The following SLC13A3 variants were observed in gnomAD, a reference collection of about 807,000 sequenced individuals.
SLC13A3 encodes the protein Na(+)/dicarboxylate cotransporter 3.
In SLC13A3, 40 loss-of-function variants were observed where a neutral mutation model predicts 59.0. The observed-to-expected ratio is 0.68, with a 90% CI of 0.53 to 0.88. The LOEUF (loss-of-function observed/expected upper bound fraction) is 0.88, where lower values mean the gene tolerates loss of function less well. Ranked by LOEUF, SLC13A3 falls within the 40% of genes least tolerant of loss-of-function variation. The pLI is 0.00. For synonymous variants in SLC13A3, 317 were observed against 330.3 expected (o/e 0.96, Z 0.44); for missense variants, 699 against 783.2 (o/e 0.89, Z 1.28).
At chr20:46,625,482 T>TA (rs1354583853) in intron 1 of SLC13A3, among the ~76,000 whole-genome samples, 1 of 152,212 alleles carries the variant, frequency 6.6e-6, no homozygotes, top group Non-Finnish European at 1.5e-5. Context: ...ACATGACTTT[T>TA]AAAAAATAGC....
intron 1 of SLC13A3, among the ~76,000 whole-genome samples, chr20:46,665,862 T>C (rs2063060372): frequency 6.6e-6 from 1 of 152,328 alleles, no homozygotes; most frequent in African/African-American, 2.4e-5. Flanking sequence ...CCACCAGCAG[T>C]GTATGCGGGT....
At chr20:46,625,146 A>G (rs1243176426) in intron 1 of SLC13A3, among the ~76,000 whole-genome samples, 1 of 152,232 alleles carries the variant, frequency 6.6e-6, no homozygotes, top group African/African-American at 2.4e-5. Flanking sequence ...ATAAGGAAGA[A>G]GAGATGAAAC....
intron 10 of SLC13A3, among the ~76,000 whole-genome samples, chr20:46,574,805 T>C (rs1600504570): frequency 6.6e-6 from 1 of 151,208 alleles, no homozygotes; most frequent in Non-Finnish European, 1.5e-5. Flanking sequence ...GAGGTTTAGA[T>C]GAGTTAACGT....
intron 5 of SLC13A3, 99 bp from the exon 6 acceptor site, chr20:46,592,628 G>A (rs1946351147): frequency 5.9e-6 from 7 of 1,184,380 alleles, no homozygotes; most frequent in South Asian, 2.7e-5. Context: ...CGGGGAGGAG[G>A]AATGAGAGGG....
chr20:46,652,195 G>A (rs2062956497), upstream of SLC13A3, among the ~76,000 whole-genome samples: 1 of 152,114 alleles, frequency 6.6e-6, no homozygotes, highest in Non-Finnish European at 1.5e-5. Flanking sequence ...CATGACACAA[G>A]TTTACCTATA....
intron 11 of SLC13A3, among the ~76,000 whole-genome samples, chr20:46,564,367 TA>T (rs1422351151): frequency 1.3e-5 from 2 of 152,262 alleles, no homozygotes; most frequent in Non-Finnish European, 2.9e-5. Context: ...TTAAATAGGA[TA>T]TTTTTGGGCC....
chr20:46,655,940 G>GTA (rs771045667), upstream of SLC13A3, among the ~76,000 whole-genome samples: 15 of 138,664 alleles, frequency 1.1e-4, no homozygotes, highest in East Asian at 1.2e-3. Context: ...ATATACTACA[G>GTA]TATATATATA....
chr20:46,624,338 A>T (rs2062646223), intron 1 of SLC13A3, among the ~76,000 whole-genome samples: 1 of 152,248 alleles, frequency 6.6e-6, no homozygotes, highest in Admixed American at 6.5e-5. Context: ...GACACTGCCC[A>T]AACAACTGTA....
chr20:46,674,602 C>CGTGTGTGTGTGT (rs142752461), upstream of SLC13A3, among the ~76,000 whole-genome samples: 1,478 of 114,236 alleles, frequency 0.013, 18 homozygotes, highest in Non-Finnish European at 0.02. Flanking sequence ...CGCGCGCGCG[C>CGTGTGTGTGTGT]GCGTGTGTGT....
At chr20:46,665,163 G>A (rs190072248) in intron 1 of SLC13A3, among the ~76,000 whole-genome samples, 1 of 152,100 alleles carries the variant, frequency 6.6e-6, no homozygotes, top group Non-Finnish European at 1.5e-5. Context: ...CTACTTGGTA[G>A]GCTAAGACAG....
At chr20:46,599,455 C>T (rs530482478) in intron 4 of SLC13A3, among the ~76,000 whole-genome samples, 23 of 152,218 alleles carry the variant, frequency 1.5e-4, no homozygotes, top group Non-Finnish European at 2.5e-4. Flanking sequence ...AGCCAGAGTT[C>T]GAAGTCAGGT....
rs146061364 is a variant in SLC13A3, at chr20:46,579,564, G to A, written c.1220-3879C>T. ...ATCACATCAGCCAAGTCTGCACAGGGTCACTGGTGGCCAAAGGACAGGCAG... is the reference window on the plus strand; with the variant it reads ...ATCACATCAGCCAAGTCTGCACAGGATCACTGGTGGCCAAAGGACAGGCAG... On this transcript the variant is annotated intron_variant, in intron 9 of 12. Coordinates refer to ENST00000279027, the MANE Select transcript of SLC13A3 (RefSeq NM_022829.6). 9.8e-4 allele frequency among the ~76,000 whole-genome samples: 149 copies of A among 152,306 alleles called. 1 individual carries two copies. The highest frequency in any genetic ancestry group is 6.8e-3 in the Middle Eastern group (2 of 294).
intron 7 of SLC13A3, among the ~76,000 whole-genome samples, chr20:46,588,918 G>A (rs2062223717): frequency 6.6e-6 from 1 of 152,148 alleles, no homozygotes; most frequent in Non-Finnish European, 1.5e-5. Context: ...TGGGTGGAAG[G>A]TAGCAGATCC....
chr20:46,584,309 C>A (rs769151688), intron 8 of SLC13A3: 5 of 985,442 alleles, frequency 5.1e-6, no homozygotes, highest in Non-Finnish European at 6.0e-6. Context: ...GTTAAACTGA[C>A]ATACAAATAC....
At chr20:46,612,110 T>TG (rs2062503017) in intron 2 of SLC13A3, among the ~76,000 whole-genome samples, 200 of 144,284 alleles carry the variant, frequency 1.4e-3, no homozygotes, top group African/African-American at 5.2e-3. Flanking sequence ...TTTCTCTCTT[T>TG]CTCTCTCTCT....
At chr20:46,597,224 AAG>A (rs2062322669) in intron 4 of SLC13A3, among the ~76,000 whole-genome samples, 1 of 151,866 alleles carries the variant, frequency 6.6e-6, no homozygotes, top group Admixed American at 6.6e-5. Flanking sequence ...TGTACAGTTA[AAG>A]AGTTTTGGGA....
Position 46,560,013 on chromosome 20 carries a change from C to A in SLC13A3, c.*9G>T. ...AGGGTTCAGCCTCAAGGGAGTCCTC[C>A]AGGGGGACTCAGAGGGTCCGAAATG... On this transcript the variant is annotated 3_prime_UTR_variant, in exon 13 of 13. Transcript: ENST00000279027. 1 of 1,613,470 alleles carries A rather than the reference C, an allele frequency of 6.2e-7. No individual in the cohort carries two copies.
Position 46,610,573 on chromosome 20 carries a change from C to G in SLC13A3, c.414G>C (p.Leu138Phe). The change falls in exon 3 of 13, where the codon TTG becomes TTC. Residue 138 changes from leucine (L) to phenylalanine (F), a missense_variant. Transcript: ENST00000279027. ...AGGCGGTGTTGCTCAGCCACATGGACAAGAACGAGGTGGTCACCATCATCC... is the reference window on the plus strand; with the variant it reads ...AGGCGGTGTTGCTCAGCCACATGGAGAAGAACGAGGTGGTCACCATCATCC... ...ILGMMVTTSFLSMWLSNTAST... is the reference protein window; with the variant it reads ...ILGMMVTTSFFSMWLSNTAST... The G allele has an allele frequency of 6.2e-7, 1 of 1,613,974 alleles. No homozygotes were observed. The highest frequency in any genetic ancestry group is 8.5e-7 in the Non-Finnish European group (1 of 1,179,968).
chr20:46,653,194 T>G (rs994349020), upstream of SLC13A3, among the ~76,000 whole-genome samples: 2 of 152,206 alleles, frequency 1.3e-5, no homozygotes, highest in African/African-American at 2.4e-5. Flanking sequence ...TTTCTCCCCG[T>G]CTGTAGCTTG....
Sources: gnomAD v4.1 joint callset for allele counts (sites outside exome capture counted in the v4.1 genomes callset) on GRCh38, gnomAD v4.1.1 for gene constraint, MANE v1.5 for transcripts, NCBI Gene and HGNC (gene_info 2026-07-23, HGNC 2026-07-21) for gene names.